The following KCNT1 variants were observed in gnomAD, a reference collection of about 807,000 sequenced individuals.
The protein encoded by KCNT1 is potassium channel subfamily T member 1.
A neutral mutation model predicts 147.8 loss-of-function variants in KCNT1; 78 were observed. That is an observed-to-expected ratio of 0.53 (90% CI 0.44 to 0.64). The LOEUF (loss-of-function observed/expected upper bound fraction) is 0.64, where lower values mean the gene tolerates loss of function less well. Among genes scored for constraint, KCNT1 ranks in the 30% least tolerant of loss-of-function variants. The pLI is 0.00. For synonymous variants in KCNT1, 867 were observed against 748.8 expected (o/e 1.16, Z -2.58); for missense variants, 1,419 against 1,750.3 (o/e 0.81, Z 3.38).
rs537732268 is a variant in KCNT1, at chr9:135,777,119, CCT to C, written c.2350-218_2350-217del. 2.7e-3 allele frequency among the ~76,000 whole-genome samples: 418 copies of C among 152,374 alleles called. 3 individuals carry two copies. Among genetic ancestry groups the C allele is most frequent in the African/African-American group, 9.7e-3 (402 of 41,582 alleles). ...TCACATGGACACCGCCCTTTCCACCCCTGACATGACTGCTCTGTGCCGCCTGT... is the reference window on the plus strand; with the variant it reads ...TCACATGGACACCGCCCTTTCCACCCGACATGACTGCTCTGTGCCGCCTGT... On this transcript the variant is annotated intron_variant, in intron 20 of 30. Transcript: ENST00000371757.
At chr9:135,756,585 T>C (rs1368945196) in intron 6 of KCNT1, among the ~76,000 whole-genome samples, 1 of 152,108 alleles carries the variant, frequency 6.6e-6, no homozygotes, top group Non-Finnish European at 1.5e-5. Flanking sequence ...CGCTCTCTGG[T>C]GTCTTCCTGA....
chr9:135,719,637 G>A (rs1461091657), intron 2 of KCNT1, among the ~76,000 whole-genome samples: 1 of 152,208 alleles, frequency 6.6e-6, no homozygotes, highest in Non-Finnish European at 1.5e-5. Flanking sequence ...ACACTCCCAG[G>A]CATTAAGCAG....
At chr9:135,735,501 A>G (rs1456140911) in intron 2 of KCNT1, among the ~76,000 whole-genome samples, 1 of 152,042 alleles carries the variant, frequency 6.6e-6, no homozygotes, top group Non-Finnish European at 1.5e-5. Context: ...GGGTGCATGG[A>G]GGCCTAGTGA....
Position 135,795,298 on chromosome 9 carries a change from G to A in KCNT1, c.*3137G>A, listed in dbSNP as rs1422891146. The A allele has an allele frequency of 6.9e-6, 1 of 144,900 alleles. No individual in the cohort carries two copies. Among genetic ancestry groups the A allele is most frequent in the African/African-American group, 2.6e-5 (1 of 38,974 alleles). 9.0% of individuals were successfully genotyped at this position (144,900 alleles called of 1,614,324 possible). On this transcript the variant is annotated 3_prime_UTR_variant, in exon 31 of 31. Coordinates refer to ENST00000371757, the MANE Select transcript of KCNT1 (RefSeq NM_020822.3). ...ATCAAAAAGTACAAAAAAAAAAATA[G>A]CTAGACGTGGTGGCATGTGCATACA...
chr9:135,713,802 A>T (rs1245660601), intron 1 of KCNT1, among the ~76,000 whole-genome samples: 2 of 152,030 alleles, frequency 1.3e-5, no homozygotes, highest in African/African-American at 4.8e-5. Context: ...AAGATGCAAG[A>T]CCCCTGGAAG....
At chr9:135,732,027 GA>G (rs1564328330) in intron 2 of KCNT1, among the ~76,000 whole-genome samples, 30 of 102,476 alleles carry the variant, frequency 2.9e-4, no homozygotes, top group South Asian at 7.6e-4. Flanking sequence ...GAGAGAGAGA[GA>G]GAGAGAGAGA....
chr9:135,763,474 A>C (rs2131467256), intron 11 of KCNT1, among the ~76,000 whole-genome samples: 1 of 152,320 alleles, frequency 6.6e-6, no homozygotes, highest in African/African-American at 2.4e-5. Context: ...CTTAAACAGC[A>C]GATATGTATC....
At chr9:135,768,375 ACTG>A in intron 13 of KCNT1, 1 of 164,298 alleles carries the variant, frequency 6.1e-6, no homozygotes, top group Non-Finnish European at 1.1e-5. Context: ...GGGGATGCCC[ACTG>A]AGGGGGCACT....
chr9:135,791,653 CA>C (rs1834537828), intron 29 of KCNT1, 143 bp from the exon 30 acceptor site: 1 of 715,916 alleles, frequency 1.4e-6, no homozygotes, highest in Non-Finnish European at 2.4e-6. Flanking sequence ...TGGCTGGGCT[CA>C]CCAGGATGAG....
At position 135,715,737 on chromosome 9, in the gene KCNT1, C is replaced by G. The variant is rs559738389; in HGVS notation, c.254+1017C>G. Among the ~76,000 whole-genome samples the G allele has an allele frequency of 2.6e-5, 4 of 152,314 alleles. No individual in the cohort carries two copies. In the South Asian group the frequency reaches 8.3e-4, roughly 32 times the overall value. On this transcript the variant is annotated intron_variant, in intron 2 of 30. Coordinates refer to ENST00000371757, the MANE Select transcript of KCNT1 (RefSeq NM_020822.3). ...AATCATGTTTGTAACTAGAGTCAGT[C>G]CTAGGGACTGTATCCATGAGGACCA...
At chr9:135,750,331 TG>T (rs1031038643) in intron 3 of KCNT1, among the ~76,000 whole-genome samples, 154 bp downstream of exon 3, 41 of 136,954 alleles carry the variant, frequency 3.0e-4, no homozygotes, top group African/African-American at 1.1e-3. Context: ...GGAAGCAGGG[TG>T]GGGGTGGGTC....
intron 1 of KCNT1, among the ~76,000 whole-genome samples, chr9:135,712,768 G>C (rs376437970): frequency 2.0e-5 from 3 of 152,210 alleles, no homozygotes; most frequent in African/African-American, 7.2e-5. Context: ...ACACAACAGC[G>C]AAGTATTTTC....
Position 135,795,199 on chromosome 9 carries a change from C to CA in KCNT1, c.*3040dup, listed in dbSNP as rs1296460022. The CA allele has an allele frequency of 6.6e-6, 1 of 151,682 alleles. No homozygotes were observed. Among genetic ancestry groups the CA allele is most frequent in the Non-Finnish European group, 1.5e-5 (1 of 68,002 alleles). 9.4% of individuals were successfully genotyped at this position (151,682 alleles called of 1,614,324 possible). ...CTGTAATCCCAGCACTTTGGGAGGC[C>CA]AAGGCAGGTGGACTGCTTGAGCCCA... is the stretch of plus-strand genomic sequence containing the variant. On this transcript the variant is annotated 3_prime_UTR_variant, in exon 31 of 31. Coordinates refer to ENST00000371757, the MANE Select transcript of KCNT1 (RefSeq NM_020822.3).
Position 135,772,788 on chromosome 9 carries a change from G to C in KCNT1, c.2082G>C (p.Lys694Asn). ...TQSGGGGGGS[K>N]LALPTENGSG... ...GCGGCGGTGGGGGCGGGGGCAGCAA[G>C]CTGGCACTGCCCACGGAGAACGGCT... Residue 694 changes from lysine to asparagine, a missense_variant, in exon 19 of 31, where the codon AAG becomes AAC. Lys to Asn is a moderately conservative substitution (Grantham distance 94). Around this residue, in one of 5 missense-constraint regions of KCNT1, gnomAD observed 284 missense variants for 292.8 expected, o/e 0.97. Transcript: ENST00000371757. The C allele has an allele frequency of 6.7e-7, 1 of 1,499,498 alleles. No homozygotes were observed. The highest frequency in any genetic ancestry group is 2.5e-5 in the East Asian group (1 of 39,436). The allele number at this position is 1,499,498 out of a possible 1,614,324, so 92.9% of individuals were successfully genotyped here. A position where few individuals can be genotyped will look rare whatever the true frequency, so the allele number is the denominator to read the frequency against.
chr9:135,734,705 G>A (rs973467924), intron 2 of KCNT1, among the ~76,000 whole-genome samples: 16 of 152,166 alleles, frequency 1.1e-4, no homozygotes, highest in East Asian at 3.9e-4. Context: ...CAGCCGCCCC[G>A]GGTGGGCGCG....
At position 135,768,654 on chromosome 9, in the gene KCNT1, A is replaced by C. The variant is rs1203269440; in HGVS notation, c.1382A>C (p.Glu461Ala). Residue 461 changes from glutamate to alanine, a missense_variant, in exon 14 of 31, where the codon GAG becomes GCG. This residue lies in a region of KCNT1 where 401 missense variants were observed against 610.6 expected (regional missense o/e 0.66). Transcript: ENST00000371757. Reference sequence around the variant, plus strand: ...TGCTTCATCCTCAGCAGCAGGAACGAGGTGGACCGCACGGCTGCAGTGAGT... The same window carrying C: ...TGCTTCATCCTCAGCAGCAGGAACGCGGTGGACCGCACGGCTGCAGTGAGT... ...EACFILSSRN[E>A]VDRTAADHQT... is the part of the protein sequence containing the mutation. 6.5e-7 allele frequency: 1 copy of C among 1,550,358 alleles called. No individual in the cohort carries two copies. The highest frequency in any genetic ancestry group is 1.2e-5 in the South Asian group (1 of 84,040).
chr9:135,760,895 C>G (rs1030554268), intron 11 of KCNT1, among the ~76,000 whole-genome samples: 1 of 152,152 alleles, frequency 6.6e-6, no homozygotes, highest in Non-Finnish European at 1.5e-5. Flanking sequence ...TGGTCTTCCC[C>G]CTGGTTCTCG....
chr9:135,758,524 C>CGGGGTG lies in KCNT1; in HGVS notation c.854+16_854+17insGGGGTG, dbSNP rs1831673523. 6.2e-7 allele frequency: 1 copy of CGGGGTG among 1,604,996 alleles called. No homozygotes were observed. Among genetic ancestry groups the CGGGGTG allele is most frequent in the Non-Finnish European group, 8.5e-7 (1 of 1,172,880 alleles). On this transcript the variant is annotated intron_variant, in intron 10 of 30. Transcript: ENST00000371757. ...TTTTCACGGGGTGAGTGCCGGCCGT[C>CGGGGTG]AGTGTGAGCACCCCAGGACGTTGGG... is the stretch of plus-strand genomic sequence containing the variant.
intron 29 of KCNT1, chr9:135,788,053 C>CCT: frequency 1.0e-6 from 1 of 984,670 alleles, no homozygotes; most frequent in Non-Finnish European, 1.5e-6. Context: ...TGCTGATATT[C>CCT]TCTCTCTCTC....
Sources: gnomAD v4.1 joint callset for allele counts (sites outside exome capture counted in the v4.1 genomes callset) on GRCh38, gnomAD v4.1.1 for gene constraint, gnomAD v4.1.1 regional missense constraint, MANE v1.5 for transcripts, NCBI Gene and HGNC (gene_info 2026-07-23, HGNC 2026-07-21) for gene names.